ATP2A2: variants seen among roughly 807,000 people sequenced by gnomAD.
ATP2A2 encodes sarcoplasmic/endoplasmic reticulum calcium ATPase 2.
ATP2A2 carries 14 observed loss-of-function variants against 109.3 expected under a neutral mutation model. That is an observed-to-expected ratio of 0.13 (90% CI 0.08 to 0.20). ATP2A2 has a LOEUF of 0.20. Among genes scored for constraint, ATP2A2 ranks in the 10% least tolerant of loss-of-function variants. The pLI is 1.00. For missense variants in ATP2A2, 657 were observed against 1,321.6 expected (o/e 0.50, Z 7.80); for synonymous variants, 506 against 490.9 (o/e 1.03, Z -0.41).
intron 5 of ATP2A2, among the ~76,000 whole-genome samples, chr12:110,304,354 C>T (rs1566211913): frequency 6.6e-6 from 1 of 152,154 alleles, no homozygotes; most frequent in South Asian, 2.1e-4. Context: ...ACATTTTGAG[C>T]AGCTACCAAA....
At chr12:110,295,430 G>T (rs935733109) in intron 4 of ATP2A2, among the ~76,000 whole-genome samples, 1 of 152,182 alleles carries the variant, frequency 6.6e-6, no homozygotes, top group African/African-American at 2.4e-5. Flanking sequence ...TCCCAAAAGT[G>T]CTGGGATTAC....
At chr12:110,300,288 G>A (rs1308295649) in intron 5 of ATP2A2, among the ~76,000 whole-genome samples, 2 of 147,536 alleles carry the variant, frequency 1.4e-5, no homozygotes, top group Non-Finnish European at 3.0e-5. Flanking sequence ...TTGGCTTCAA[G>A]GGGGTCCTCC....
chr12:110,302,324 C>T (rs563209611), intron 5 of ATP2A2, among the ~76,000 whole-genome samples: 1 of 151,946 alleles, frequency 6.6e-6, no homozygotes, highest in Non-Finnish European at 1.5e-5. Flanking sequence ...TTTGAATATT[C>T]AAAAGACAAT....
chr12:110,341,041 ATAGTAGCCTC>A, intron 14 of ATP2A2, 47 bp downstream of exon 14: 2 of 1,590,620 alleles, frequency 1.3e-6, no homozygotes, highest in Non-Finnish European at 1.7e-6. Flanking sequence ...ACACAAGCAC[ATAGTAGCCTC>A]TAATTTTGAC....
intron 8 of ATP2A2, 63 bp downstream of exon 8, chr12:110,328,080 T>A: frequency 6.7e-7 from 1 of 1,499,060 alleles, no homozygotes; most frequent in East Asian, 2.3e-5. Flanking sequence ...CAATATGCCT[T>A]CATGCCATCA....
At position 110,294,650 on chromosome 12, in the gene ATP2A2, GA is replaced by G; in HGVS notation, c.325-1941del. Among the ~76,000 whole-genome samples, 2 of 151,588 alleles carry G rather than the reference GA, an allele frequency of 1.3e-5. 1 individual carries two copies. Among genetic ancestry groups the G allele is most frequent in the African/African-American group, 4.8e-5 (2 of 41,366 alleles). ...GGCGACAGAGCTAGACTTCGTCTCA[GA>G]AAAAAAAGATTCGAGTTTTTAAAAA... On this transcript the variant is annotated intron_variant, in intron 4 of 19. Transcript: ENST00000539276.
chr12:110,285,915 C>CTTTTT (rs371107246), intron 3 of ATP2A2, among the ~76,000 whole-genome samples: 1 of 120,622 alleles, frequency 8.3e-6, no homozygotes, highest in Admixed American at 8.4e-5. Context: ...TGAGTTAGTG[C>CTTTTT]TTTTTTTTTT....
intron 16 of ATP2A2, among the ~76,000 whole-genome samples, chr12:110,344,192 G>A (rs1241044740): frequency 2.0e-5 from 3 of 152,076 alleles, no homozygotes; most frequent in Non-Finnish European, 4.4e-5. Context: ...TGCAGCCAGC[G>A]GCCTTCATGC....
chr12:110,347,301 C>T lies in ATP2A2; in HGVS notation c.*831C>T. On this transcript the variant is annotated 3_prime_UTR_variant, in exon 20 of 20. Coordinates refer to ENST00000539276, the MANE Select transcript of ATP2A2 (RefSeq NM_170665.4). ...GTCATCTAGTTTTAAAAAAATAAAA[C>T]ATTTTAAATGGACAGAGAAAAATAA... 4 of 1,262,748 alleles carry T rather than the reference C, an allele frequency of 3.2e-6. No homozygotes were observed. Among genetic ancestry groups the T allele is most frequent in the African/African-American group, 1.5e-5 (1 of 65,060 alleles). The allele number at this position is 1,262,748 out of a possible 1,614,324, so 78.2% of individuals were successfully genotyped here.
At position 110,346,839 on chromosome 12, in the gene ATP2A2, GTTTT is replaced by G. The variant is rs949135120; in HGVS notation, c.*374_*377del. ...AGATTTTAGGAAATGAATGTGTGTGGTTTTTTTTCTAAAACTAAATAGCATGTAT... is the reference window on the plus strand; with the variant it reads ...AGATTTTAGGAAATGAATGTGTGTGGTTTTCTAAAACTAAATAGCATGTAT... On this transcript the variant is annotated 3_prime_UTR_variant, in exon 20 of 20. Coordinates refer to ENST00000539276, the MANE Select transcript of ATP2A2 (RefSeq NM_170665.4). 9.0e-7 allele frequency: 1 copy of G among 1,116,808 alleles called. No individual in the cohort carries two copies. Among genetic ancestry groups the G allele is most frequent in the Non-Finnish European group, 1.1e-6 (1 of 909,134 alleles). The allele number at this position is 1,116,808 out of a possible 1,614,324, so 69.2% of individuals were successfully genotyped here.
Position 110,339,373 on chromosome 12 carries a change from C to T in ATP2A2, c.1512C>T (p.Ser504=). ...TTTACTGTACACCAAATAAACCAAG[C>T]AGGACATCAATGAGCAAGATGTTTG... ...MSVYCTPNKP[S]RTSMSKMFVK... Residue 504 remains serine, a synonymous_variant, in exon 12 of 20, where the codon AGC becomes AGT. Transcript: ENST00000539276. This position sits in a 1 kb window ranked among gnomAD's most constrained non-coding sequence, Gnocchi z 4.4. The T allele has an allele frequency of 6.2e-7, 1 of 1,614,094 alleles. No homozygotes were observed. The highest frequency in any genetic ancestry group is 2.2e-5 in the East Asian group (1 of 44,886).
At chr12:110,293,864 G>GTGTGTGTATATA (rs1262234570) in intron 4 of ATP2A2, among the ~76,000 whole-genome samples, 1 of 84,890 alleles carries the variant, frequency 1.2e-5, no homozygotes, top group African/African-American at 6.4e-5. Flanking sequence ...GTGTGTGTGT[G>GTGTGTGTATATA]TATATATTTT....
intron 5 of ATP2A2, among the ~76,000 whole-genome samples, chr12:110,304,672 T>C (rs1360693342): frequency 6.6e-6 from 1 of 152,194 alleles, no homozygotes; most frequent in Non-Finnish European, 1.5e-5. Flanking sequence ...GAGGTGTGAT[T>C]AGCAAAATTT....
intron 3 of ATP2A2, among the ~76,000 whole-genome samples, chr12:110,284,374 C>T (rs1872462734): frequency 6.6e-6 from 1 of 152,138 alleles, no homozygotes; most frequent in African/African-American, 2.4e-5. Context: ...TTGGGAACTT[C>T]TTAAAAATTA....
intron 16 of ATP2A2, 106 bp from the exon 17 acceptor site, chr12:110,344,780 G>C (rs932638073): frequency 4.1e-5 from 46 of 1,115,360 alleles, no homozygotes; most frequent in Non-Finnish European, 5.6e-5. Flanking sequence ...TACCATCACT[G>C]TCCCATGTCT....
chr12:110,291,433 T>C (rs535347353), intron 3 of ATP2A2, among the ~76,000 whole-genome samples: 1 of 149,970 alleles, frequency 6.7e-6, no homozygotes, highest in South Asian at 2.1e-4. Flanking sequence ...CTGGAACTCC[T>C]GACCTCAGGT....
At chr12:110,344,795 TCTTCGTC>T in intron 16 of ATP2A2, 84 bp from the exon 17 acceptor site, 1 of 1,265,294 alleles carries the variant, frequency 7.9e-7, no homozygotes, top group South Asian at 1.2e-5. Flanking sequence ...ATGTCTTTGA[TCTTCGTC>T]CTTGTGGGGA....
At chr12:110,307,308 T>C (rs1875466569) in intron 5 of ATP2A2, among the ~76,000 whole-genome samples, 1 of 151,354 alleles carries the variant, frequency 6.6e-6, no homozygotes, top group Admixed American at 6.6e-5. Flanking sequence ...TATAGCTCAT[T>C]GAGCCATGGC....
At position 110,343,189 on chromosome 12, in the gene ATP2A2, G is replaced by A. The variant is rs375230317; in HGVS notation, c.2319-43G>A. On this transcript the variant is annotated intron_variant, in intron 15 of 19. Coordinates refer to ENST00000539276, the MANE Select transcript of ATP2A2 (RefSeq NM_170665.4). ...GATGCTCTTTAAATAGTGGCCAGAA[G>A]TCATTTGGGCTCTCTTTGTCTTCTT... The A allele has an allele frequency of 1.0e-5, 16 of 1,596,986 alleles. No homozygotes were observed. The African/African-American group carries it at 1.9e-4, about 19-fold the overall frequency.
Sources: allele counts gnomAD v4.1 joint callset (sites outside exome capture counted in the v4.1 genomes callset), GRCh38; gene constraint gnomAD v4.1.1; non-coding constraint Gnocchi (gnomAD v3.1); transcripts MANE v1.5; gene names NCBI Gene and HGNC (gene_info 2026-07-23, HGNC 2026-07-21).